EXD2: variants seen among roughly 807,000 people sequenced by gnomAD.
The protein encoded by EXD2 is exonuclease 3'-5' domain-containing protein 2.
EXD2 carries 40 observed loss-of-function variants against 62.5 expected under a neutral mutation model. That is an observed-to-expected ratio of 0.64 (90% CI 0.50 to 0.83). EXD2 has a LOEUF of 0.83. Among genes scored for constraint, EXD2 ranks in the 40% least tolerant of loss-of-function variants. The probability of loss-of-function intolerance (pLI) is 0.00; values close to 1 mark genes in which losing one functional copy is unlikely to be tolerated. For synonymous variants in EXD2, 239 were observed against 291.9 expected (o/e 0.82, Z 1.85); for missense variants, 671 against 761.8 (o/e 0.88, Z 1.40).
chr14:69,237,999 C>A, intron 9 of EXD2, 68 bp downstream of exon 9: 1 of 1,404,304 alleles, frequency 7.1e-7, no homozygotes, highest in Non-Finnish European at 9.7e-7. Context: ...AGAATGCTTG[C>A]CAGGGAGGGG....
chr14:69,210,622 G>C (rs1050633309), intron 3 of EXD2, among the ~76,000 whole-genome samples: 3 of 152,080 alleles, frequency 2.0e-5, no homozygotes, highest in South Asian at 2.1e-4. Context: ...CAGTCAGCCA[G>C]GTCAGCATAG....
At chr14:69,192,000 T>G (rs1452907350) in intron 1 of EXD2, 1 of 152,288 alleles carries the variant, frequency 6.6e-6, no homozygotes, top group Non-Finnish European at 1.5e-5. Context: ...CGCTGCGGGT[T>G]CGACGCGGCA....
chr14:69,243,176 C>CTT lies in EXD2; in HGVS notation c.*2078_*2079dup, dbSNP rs1037814141. Reference sequence around the variant, plus strand: ...CTTTTTTCTTTGAGTCTGCTTTGAACTTTAGCAGGCTTTTCCTAAGACTGA... The same window carrying CTT: ...CTTTTTTCTTTGAGTCTGCTTTGAACTTTTTAGCAGGCTTTTCCTAAGACTGA... On this transcript the variant is annotated 3_prime_UTR_variant, in exon 10 of 10. Coordinates refer to ENST00000685843, the MANE Select transcript of EXD2 (RefSeq NM_001193360.2). 6.6e-6 allele frequency: 1 copy of CTT among 152,160 alleles called. No homozygotes were observed. The highest frequency in any genetic ancestry group is 2.4e-5 in the African/African-American group (1 of 41,434). The allele number at this position is 152,160 out of a possible 1,614,324, so 9.4% of individuals were successfully genotyped here.
rs1402484669 is a variant in EXD2 at position 69,214,116 on chromosome 14, C to G, written c.333+4313C>G. On this transcript the variant is annotated intron_variant, in intron 3 of 9. Coordinates refer to ENST00000685843, the MANE Select transcript of EXD2 (RefSeq NM_001193360.2). ...TCATTTTCAGGATAGTATTCCATTGCCTTCTGGCTTCCGTTATTGCTGTTG... is the reference window on the plus strand; with the variant it reads ...TCATTTTCAGGATAGTATTCCATTGGCTTCTGGCTTCCGTTATTGCTGTTG... 4 of 152,188 alleles carry G rather than the reference C, an allele frequency of 2.6e-5. No individual in the cohort carries two copies. In the South Asian group the frequency reaches 8.3e-4, roughly 32 times the overall value. The allele number at this position is 152,188 out of a possible 1,614,324, so 9.4% of individuals were successfully genotyped here.
At chr14:69,212,141 C>T (rs939213027) in intron 3 of EXD2, among the ~76,000 whole-genome samples, 5 of 151,936 alleles carry the variant, frequency 3.3e-5, no homozygotes, top group Admixed American at 2.0e-4. Context: ...TTTGGGAGGC[C>T]GAGGCGGGCA....
intron 1 of EXD2, among the ~76,000 whole-genome samples, chr14:69,202,932 A>G (rs1379312135): frequency 6.6e-6 from 1 of 152,254 alleles, no homozygotes; most frequent in East Asian, 1.9e-4. Context: ...TACAAGCTTT[A>G]TATGACCCAA....
In EXD2 at chr14:69,212,725, T is replaced by C. The variant is rs1458535877; in HGVS notation, c.333+2922T>C. Among the ~76,000 whole-genome samples, 15 of 73,460 alleles carry C rather than the reference T, an allele frequency of 2.0e-4. No homozygotes were observed. The South Asian group carries it at 8.7e-3, about 42-fold the overall frequency. The allele number at this position is 73,460 out of a possible 152,430, so 48.2% of individuals were successfully genotyped here. ...TTTTTTTTTTTTTTTTTTTTTTTTT[T>C]GAGACAAGATCTTACTCTGTCACCC... On this transcript the variant is annotated intron_variant, in intron 3 of 9. Transcript: ENST00000685843.
At chr14:69,197,561 G>A (rs1439534555) in intron 1 of EXD2, among the ~76,000 whole-genome samples, 4 of 152,052 alleles carry the variant, frequency 2.6e-5, no homozygotes, top group Non-Finnish European at 5.9e-5. Flanking sequence ...TCGTTTTTCA[G>A]CCTGCGGCCC....
intron 5 of EXD2, among the ~76,000 whole-genome samples, chr14:69,232,842 T>C (rs7148045): frequency 0.29 from 44,096 of 152,170 alleles, 8,712 homozygotes; most frequent in East Asian, 0.92. Context: ...ATTGGTTGTT[T>C]GAAGCACAAT....
intron 3 of EXD2, among the ~76,000 whole-genome samples, chr14:69,226,591 T>C (rs2043370942): frequency 6.6e-6 from 1 of 152,020 alleles, no homozygotes; most frequent in Non-Finnish European, 1.5e-5. Flanking sequence ...CTACTAAAAA[T>C]ACAAAAATTA....
At chr14:69,204,789 A>C (rs772496806) in intron 2 of EXD2, among the ~76,000 whole-genome samples, 7 of 152,228 alleles carry the variant, frequency 4.6e-5, no homozygotes, top group Non-Finnish European at 7.3e-5. Flanking sequence ...AGAATGTTGT[A>C]ATCTGGTGAT....
At chr14:69,229,241 TTTGGTTACC>T (rs2043481800) in intron 4 of EXD2, among the ~76,000 whole-genome samples, 169 bp downstream of exon 4, 1 of 152,208 alleles carries the variant, frequency 6.6e-6, no homozygotes, top group African/African-American at 2.4e-5. Context: ...TCTGTGAAAC[TTTGGTTACC>T]TAGAATTAGC....
intron 3 of EXD2, among the ~76,000 whole-genome samples, chr14:69,214,940 G>A (rs1039679295): frequency 6.6e-6 from 1 of 151,788 alleles, no homozygotes; most frequent in Admixed American, 6.6e-5. Flanking sequence ...AATATACCAT[G>A]ACTTATTTTT....
Position 69,209,513 on chromosome 14 carries a change from C to T in EXD2, c.43C>T (p.Leu15=). The change falls in exon 3 of 10, where the codon CTG becomes TTG. Residue 15 remains leucine (L), a synonymous_variant. Coordinates refer to ENST00000685843, the MANE Select transcript of EXD2 (RefSeq NM_001193360.2). ...NLVALTVTTL[L]GVAVGGFVLW... is the part of the protein sequence containing the mutation. Reference sequence around the variant, plus strand: ...AGTGGCTTTGACAGTGACTACCCTTCTGGGTGTGGCTGTAGGGGGGTTTGT... The same window carrying T: ...AGTGGCTTTGACAGTGACTACCCTTTTGGGTGTGGCTGTAGGGGGGTTTGT... The T allele has an allele frequency of 6.5e-7, 1 of 1,549,586 alleles. No homozygotes were observed. Among genetic ancestry groups the T allele is most frequent in the Non-Finnish European group, 8.7e-7 (1 of 1,146,434 alleles).
intron 3 of EXD2, among the ~76,000 whole-genome samples, chr14:69,218,567 A>C (rs907983104): frequency 6.6e-6 from 1 of 152,074 alleles, no homozygotes; most frequent in South Asian, 2.1e-4. Flanking sequence ...CTTTGTTGCC[A>C]TTGCTTTTGG....
chr14:69,207,426 G>A (rs188242945), intron 2 of EXD2, among the ~76,000 whole-genome samples: 8 of 152,170 alleles, frequency 5.3e-5, no homozygotes, highest in Middle Eastern at 3.4e-3. Context: ...CTCAGGAGGC[G>A]GATACTGCAG....
intron 1 of EXD2, among the ~76,000 whole-genome samples, chr14:69,198,416 G>A (rs181035689): frequency 9.2e-5 from 14 of 152,180 alleles, no homozygotes; most frequent in Non-Finnish European, 1.8e-4. Flanking sequence ...CTCTGCCTAC[G>A]GCCTTGCTCT....
At chr14:69,235,089 T>C in intron 6 of EXD2, 58 bp downstream of exon 6, 1 of 1,456,694 alleles carries the variant, frequency 6.9e-7, no homozygotes, top group Non-Finnish European at 9.1e-7. Context: ...AGCAAAGGGT[T>C]TGATGCTTCC....
chr14:69,206,448 C>G (rs2042597895), intron 2 of EXD2, among the ~76,000 whole-genome samples: 1 of 116,262 alleles, frequency 8.6e-6, no homozygotes, highest in South Asian at 2.5e-4. Flanking sequence ...CATCTCCCAC[C>G]CACCCACTTT....
Sources: allele counts gnomAD v4.1 joint callset (sites outside exome capture counted in the v4.1 genomes callset), GRCh38; gene constraint gnomAD v4.1.1; transcripts MANE v1.5; gene names NCBI Gene and HGNC (gene_info 2026-07-23, HGNC 2026-07-21).